The following SH3TC2 variants were observed in gnomAD, a reference collection of about 807,000 sequenced individuals.
The protein encoded by SH3TC2 is SH3 domain and tetratricopeptide repeats 2.
SH3TC2 carries 87 observed loss-of-function variants against 124.5 expected under a neutral mutation model. The observed-to-expected ratio is 0.70, with a 90% CI of 0.59 to 0.84. The LOEUF is 0.84. SH3TC2 is among the 40% of genes least tolerant of loss of function. The probability of loss-of-function intolerance (pLI) is 0.00; values close to 1 mark genes in which losing one functional copy is unlikely to be tolerated. For synonymous variants in SH3TC2, 634 were observed against 628.5 expected (o/e 1.01, Z -0.13); for missense variants, 1,536 against 1,566.4 (o/e 0.98, Z 0.33).
intron 12 of SH3TC2, among the ~76,000 whole-genome samples, chr5:149,017,528 A>G (rs1370654538): frequency 6.6e-6 from 1 of 152,150 alleles, no homozygotes; most frequent in African/African-American, 2.4e-5. Context: ...CCCGCCCCAC[A>G]CACACACACC....
chr5:149,027,569 G>A lies in SH3TC2; in HGVS notation c.2163C>T (p.Leu721=), dbSNP rs1374113473. The change falls in exon 11 of 17, where the codon CTC becomes CTT. Residue 721 remains leucine (L), a synonymous_variant. Coordinates refer to ENST00000515425, the MANE Select transcript of SH3TC2 (RefSeq NM_024577.4). ...VHLVLQNTTK[L]LGFPSPGWGE... ...CCCAGCCTGGGGAAGGAAAGCCAAG[G>A]AGCTTGGTTGTGTTCTGGAGGACAA... 6.2e-7 allele frequency: 1 copy of A among 1,614,250 alleles called. No homozygotes were observed. The highest frequency in any genetic ancestry group is 1.1e-5 in the South Asian group (1 of 91,084).
chr5:149,052,037 T>C, intron 2 of SH3TC2, 105 bp downstream of exon 2: 1 of 850,448 alleles, frequency 1.2e-6, no homozygotes, highest in East Asian at 2.5e-5. Flanking sequence ...TCAAAATCTT[T>C]TCATCAAGAG....
chr5:148,985,759 T>C lies in SH3TC2; in HGVS notation c.*18952A>G, dbSNP rs1753322258. 2.0e-5 allele frequency among the ~76,000 whole-genome samples: 3 copies of C among 152,180 alleles called. No individual in the cohort carries two copies. In the South Asian group the frequency reaches 6.2e-4, roughly 32 times the overall value. On this transcript the variant is annotated 3_prime_UTR_variant, in exon 17 of 17. Coordinates refer to ENST00000515425, the MANE Select transcript of SH3TC2 (RefSeq NM_024577.4). ...TTCTGGATCACTTTGTAAGTGTATG[T>C]TTAATTTATAAGAAACTATCAAAGC...
rs1753705099 is a variant in SH3TC2, at chr5:149,007,147, C to T, written c.3479-70G>A. 3.3e-6 allele frequency: 5 copies of T among 1,509,500 alleles called. No individual in the cohort carries two copies. The African/African-American group carries it at 4.1e-5, about 12-fold the overall frequency. The allele number at this position is 1,509,500 out of a possible 1,614,324, so 93.5% of individuals were successfully genotyped here. On this transcript the variant is annotated intron_variant, in intron 15 of 16. Coordinates refer to ENST00000515425, the MANE Select transcript of SH3TC2 (RefSeq NM_024577.4). ...TGCATCATTTGTTCACTCATTCATT[C>T]CATAAAACTTTTTGAAGGTCTACTA...
intron 2 of SH3TC2, among the ~76,000 whole-genome samples, chr5:149,049,001 A>T (rs1754512668): frequency 6.6e-6 from 1 of 152,138 alleles, no homozygotes; most frequent in African/African-American, 2.4e-5. Flanking sequence ...ACTTGCCAGG[A>T]CCTCTGCAAA....
chr5:149,048,096 T>TAATGAGGACACCAGTTGAG, intron 2 of SH3TC2, 107 bp from the exon 3 acceptor site: 1 of 1,473,654 alleles, frequency 6.8e-7, no homozygotes, highest in Non-Finnish European at 9.4e-7. Context: ...AACCCTCAAC[T>TAATGAGGACACCAGTTGAG]GGTGTCCTCA....
chr5:149,013,465 C>A (rs1753818939), intron 12 of SH3TC2, among the ~76,000 whole-genome samples: 1 of 152,160 alleles, frequency 6.6e-6, no homozygotes, highest in South Asian at 2.1e-4. Context: ...TCTTTATTAG[C>A]AGCATGAGAA....
intron 1 of SH3TC2, among the ~76,000 whole-genome samples, chr5:149,058,993 T>C (rs1383486603): frequency 2.6e-5 from 4 of 152,104 alleles, no homozygotes; most frequent in Non-Finnish European, 5.9e-5. Flanking sequence ...ATGTGGGCTG[T>C]GGCCCTGGCA....
intron 12 of SH3TC2, 58 bp downstream of exon 12, chr5:149,026,513 CA>C: frequency 6.3e-7 from 1 of 1,599,982 alleles, no homozygotes; most frequent in Non-Finnish European, 8.6e-7. Context: ...TGGGAAAGAA[CA>C]CTGTTTCTCC....
intron 12 of SH3TC2, among the ~76,000 whole-genome samples, chr5:149,024,363 A>G (rs1302317837): frequency 6.6e-6 from 1 of 152,180 alleles, no homozygotes; most frequent in Non-Finnish European, 1.5e-5. Context: ...GTCTGCCCAC[A>G]AGACCTTCTG....
In SH3TC2 at chr5:149,004,385, AG is replaced by A; in HGVS notation, c.*325del. 3.3e-6 allele frequency: 1 copy of A among 303,886 alleles called. No homozygotes were observed. Among genetic ancestry groups the A allele is most frequent in the Non-Finnish European group, 6.2e-6 (1 of 162,230 alleles). The allele number at this position is 303,886 out of a possible 1,614,324, so 18.8% of individuals were successfully genotyped here. A position where few individuals can be genotyped will look rare whatever the true frequency, so the allele number is the denominator to read the frequency against. On this transcript the variant is annotated 3_prime_UTR_variant, in exon 17 of 17. Coordinates refer to ENST00000515425, the MANE Select transcript of SH3TC2 (RefSeq NM_024577.4). The stretch of plus-strand genomic sequence containing the variant: ...GATTTCCTCATTGGGGGAGGAAGGA[AG>A]GCTCCTGGAGGGCAAGATCCCTCAT...
chr5:149,034,512 C>T lies in SH3TC2; in HGVS notation c.1002-2825G>A, dbSNP rs189222628. ...CATGAATCTTCATATTGAAGAAACA[C>T]ACCAAGTCCTGAGCAAAATAAATAA... On this transcript the variant is annotated intron_variant, in intron 8 of 16. Coordinates refer to ENST00000515425, the MANE Select transcript of SH3TC2 (RefSeq NM_024577.4). 142 of 418,590 alleles carry T rather than the reference C, an allele frequency of 3.4e-4. 1 individual carries two copies. The highest frequency in any genetic ancestry group is 7.2e-4 in the Middle Eastern group (2 of 2,764). The allele number at this position is 418,590 out of a possible 1,614,324, so 25.9% of individuals were successfully genotyped here. A position where few individuals can be genotyped will look rare whatever the true frequency, so the allele number is the denominator to read the frequency against.
intron 12 of SH3TC2, among the ~76,000 whole-genome samples, chr5:149,017,879 C>T (rs946765969): frequency 1.3e-5 from 2 of 152,232 alleles, no homozygotes; most frequent in African/African-American, 4.8e-5. Flanking sequence ...GAGCCAAATA[C>T]AGCTTTCAAT....
chr5:149,060,817 G>T (rs768555927), intron 1 of SH3TC2, among the ~76,000 whole-genome samples: 1 of 152,162 alleles, frequency 6.6e-6, no homozygotes, highest in East Asian at 1.9e-4. Flanking sequence ...CCTCACAAAA[G>T]TTCCATGGGA....
chr5:149,061,944 G>A (rs1197933526), intron 1 of SH3TC2, among the ~76,000 whole-genome samples: 1 of 152,082 alleles, frequency 6.6e-6, no homozygotes, highest in Non-Finnish European at 1.5e-5. Context: ...AAGGTGCCTA[G>A]ATCAAGACTT....
chr5:148,987,867 A>G lies in SH3TC2; in HGVS notation c.*16844T>C, dbSNP rs1753359193. Among the ~76,000 whole-genome samples, 1 of 145,902 alleles carries G rather than the reference A, an allele frequency of 6.9e-6. No individual in the cohort carries two copies. Among genetic ancestry groups the G allele is most frequent in the South Asian group, 2.2e-4 (1 of 4,518 alleles). Reference sequence around the variant, plus strand: ...TGTGTGTGTGTGTGTTCTTTAGATCATGAAACTTCTCATCTGAAAATCTCC... The same window carrying G: ...TGTGTGTGTGTGTGTTCTTTAGATCGTGAAACTTCTCATCTGAAAATCTCC... On this transcript the variant is annotated 3_prime_UTR_variant, in exon 17 of 17. Transcript: ENST00000515425.
rs539506019 is a variant in SH3TC2, at chr5:149,033,292, A to G, written c.1002-1605T>C. On this transcript the variant is annotated intron_variant, in intron 8 of 16. Transcript: ENST00000515425. ...TTGACAAATTGCATTAGATATTTCCAAACATGAAAACTGGGTTAGAAGAAC... is the reference window on the plus strand; with the variant it reads ...TTGACAAATTGCATTAGATATTTCCGAACATGAAAACTGGGTTAGAAGAAC... Among the ~76,000 whole-genome samples the G allele has an allele frequency of 7.2e-5, 11 of 152,360 alleles. No individual in the cohort carries two copies. In the South Asian group the frequency reaches 1.0e-3, roughly 14 times the overall value.
At chr5:149,023,583 C>CTT (rs5872108) in intron 12 of SH3TC2, among the ~76,000 whole-genome samples, 1 of 107,258 alleles carries the variant, frequency 9.3e-6, no homozygotes, top group Non-Finnish European at 1.9e-5. Flanking sequence ...TAGTGTAATC[C>CTT]TTTTTTTTTT....
chr5:149,054,179 A>G (rs557417060), intron 1 of SH3TC2, among the ~76,000 whole-genome samples: 1 of 152,300 alleles, frequency 6.6e-6, no homozygotes, highest in South Asian at 2.1e-4. Flanking sequence ...CCTAATATGT[A>G]CCCACAAAAA....
Sources: gnomAD v4.1 joint callset for allele counts (sites outside exome capture counted in the v4.1 genomes callset) on GRCh38, gnomAD v4.1.1 for gene constraint, MANE v1.5 for transcripts, NCBI Gene and HGNC (gene_info 2026-07-23, HGNC 2026-07-21) for gene names.